Variants in ZNF532 observed in about 807,000 individuals in gnomAD.
ZNF532 encodes the protein zinc finger protein 532.
In ZNF532, 22 loss-of-function variants were observed where a neutral mutation model predicts 89.3. The ratio of observed to expected loss-of-function variants is 0.25; its 90% CI spans 0.18 to 0.35. ZNF532 has a LOEUF of 0.35. Ranked by LOEUF, ZNF532 falls within the 10% of genes least tolerant of loss-of-function variation. ZNF532 has a pLI of 1.00. For synonymous variants in ZNF532, 606 were observed against 649.6 expected (o/e 0.93, Z 1.02); for missense variants, 1,132 against 1,643.4 (o/e 0.69, Z 5.38).
intron 3 of ZNF532, among the ~76,000 whole-genome samples, chr18:58,924,743 C>T (rs2061397438): frequency 6.6e-6 from 1 of 152,294 alleles, no homozygotes; most frequent in South Asian, 2.1e-4. Flanking sequence ...GCTTTTCCAG[C>T]ACTACAAAGA....
At chr18:58,923,905 G>A (rs374149342) in intron 3 of ZNF532, among the ~76,000 whole-genome samples, 2 of 151,942 alleles carry the variant, frequency 1.3e-5, no homozygotes, top group Admixed American at 6.6e-5. Flanking sequence ...CGCCCAGGCT[G>A]GAGTGCAGTG....
At chr18:58,927,521 C>G (rs1254730600) in intron 3 of ZNF532, among the ~76,000 whole-genome samples, 1 of 151,658 alleles carries the variant, frequency 6.6e-6, no homozygotes, top group Non-Finnish European at 1.5e-5. Context: ...ATATATGAGG[C>G]GAAGAGAAAC....
rs928814288 is a variant in ZNF532 at position 58,872,597 on chromosome 18, C to T, written c.-18+7018C>T. On this transcript the variant is annotated intron_variant, in intron 2 of 9. Transcript: ENST00000591808. The stretch of plus-strand genomic sequence containing the variant: ...GTGAGCCCACATTGGAGGGTGGGGC[C>T]ATCAGGTAACCAATAGCAGGTTTAG... Among the ~76,000 whole-genome samples the T allele has an allele frequency of 2.6e-5, 4 of 152,114 alleles. No individual in the cohort carries two copies. The South Asian group carries it at 8.3e-4, about 31-fold the overall frequency.
chr18:58,907,888 T>C (rs926958127), intron 2 of ZNF532, among the ~76,000 whole-genome samples: 1 of 152,178 alleles, frequency 6.6e-6, no homozygotes, highest in Non-Finnish European at 1.5e-5. Context: ...CTTCTTTCCT[T>C]CTTTTGCTGA....
chr18:58,863,551 C>T (rs891033251), upstream of ZNF532: 1 of 148,738 alleles, frequency 6.7e-6, no homozygotes, highest in African/African-American at 2.5e-5. Context: ...GCCGCTCCAC[C>T]GCACACGCAC....
intron 7 of ZNF532, among the ~76,000 whole-genome samples, chr18:58,971,937 C>G (rs2066510869): frequency 6.6e-6 from 1 of 152,238 alleles, no homozygotes; most frequent in African/African-American, 2.4e-5. Flanking sequence ...GGCATGGTGG[C>G]TCACGCCTGT....
Position 58,919,766 on chromosome 18 carries a change from C to A in ZNF532, c.1479C>A (p.Ile493=), listed in dbSNP as rs376388964. Reference sequence around the variant, plus strand: ...CTGTCCAGAGTGCCAGCAGCGCCATCATTAAAGCTGCCAACGCCATCCAGC... The same window carrying A: ...CTGTCCAGAGTGCCAGCAGCGCCATAATTAAAGCTGCCAACGCCATCCAGC... ...AASVQSASSA[I]IKAANAIQQQ... The change falls in exon 3 of 10, where the codon ATC becomes ATA. Residue 493 remains isoleucine (I), a synonymous_variant. Coordinates refer to ENST00000591808, the MANE Select transcript of ZNF532 (RefSeq NM_001375912.1). This position sits in a 1 kb window ranked among gnomAD's most constrained non-coding sequence, Gnocchi z 6.1. 1 of 1,614,048 alleles carries A rather than the reference C, an allele frequency of 6.2e-7. No homozygotes were observed. The highest frequency in any genetic ancestry group is 1.3e-5 in the African/African-American group (1 of 74,934).
At chr18:58,970,339 T>C (rs2066351189) in intron 7 of ZNF532, among the ~76,000 whole-genome samples, 1 of 152,214 alleles carries the variant, frequency 6.6e-6, no homozygotes, top group African/African-American at 2.4e-5. Flanking sequence ...CTGCCAGTGG[T>C]CCCTTTTTGA....
At chr18:58,910,336 T>C (rs1324418768) in intron 2 of ZNF532, among the ~76,000 whole-genome samples, 1 of 152,222 alleles carries the variant, frequency 6.6e-6, no homozygotes, top group Non-Finnish European at 1.5e-5. Context: ...TTTTGTTCCC[T>C]GAACCCTTCA....
chr18:58,934,751 G>A (rs1281806630), intron 4 of ZNF532, 137 bp downstream of exon 4: 14 of 812,878 alleles, frequency 1.7e-5, no homozygotes, highest in Admixed American at 1.1e-4. Flanking sequence ...AACCTAGCTC[G>A]TTTGTAGAGT....
chr18:58,872,137 T>A (rs1417911960), intron 2 of ZNF532, among the ~76,000 whole-genome samples: 1 of 152,214 alleles, frequency 6.6e-6, no homozygotes, highest in Non-Finnish European at 1.5e-5. Context: ...TTTTTAGCTG[T>A]CTCACATATT....
intron 2 of ZNF532, among the ~76,000 whole-genome samples, chr18:58,867,071 A>C (rs1191170081): frequency 6.6e-6 from 1 of 152,282 alleles, no homozygotes. Flanking sequence ...TCTGATGTCA[A>C]CTAAAACTCA....
chr18:58,880,346 G>A (rs577392120), intron 2 of ZNF532, among the ~76,000 whole-genome samples: 1 of 152,308 alleles, frequency 6.6e-6, no homozygotes, highest in South Asian at 2.1e-4. Context: ...GTGCCGAAAA[G>A]TGGGTCATCT....
chr18:58,984,170 C>G lies in ZNF532; in HGVS notation c.3610C>G (p.Gln1204Glu). The change falls in exon 10 of 10, where the codon CAG (glutamine) becomes GAG (glutamate). Residue 1204 changes from glutamine to glutamate, a missense_variant. This residue lies in a region of ZNF532 where 415 missense variants were observed against 604.8 expected (regional missense o/e 0.69). Transcript: ENST00000591808. ...PQHKSDGSSY[Q>E]CRECGLCYTS... The stretch of plus-strand genomic sequence containing the variant: ...GCACAAATCGGATGGTTCTTCCTAC[C>G]AGTGCCGGGAGTGTGGCCTCTGCTA... 1 of 1,611,874 alleles carries G rather than the reference C, an allele frequency of 6.2e-7. No individual in the cohort carries two copies.
At chr18:58,963,603 A>ATGTGTGTGTG (rs60644289) in intron 7 of ZNF532, among the ~76,000 whole-genome samples, 56 of 143,876 alleles carry the variant, frequency 3.9e-4, no homozygotes, top group African/African-American at 1.0e-3. Context: ...AAAGAAAAAA[A>ATGTGTGTGTG]TGTGTGTGTG....
intron 3 of ZNF532, among the ~76,000 whole-genome samples, chr18:58,929,055 C>T (rs1285130226): frequency 6.6e-6 from 1 of 152,178 alleles, no homozygotes; most frequent in Non-Finnish European, 1.5e-5. Context: ...TGCTATAGGT[C>T]TTTTGGCCAG....
chr18:58,871,088 G>A (rs2056941418), intron 2 of ZNF532, among the ~76,000 whole-genome samples: 1 of 152,152 alleles, frequency 6.6e-6, no homozygotes, highest in African/African-American at 2.4e-5. Flanking sequence ...AACCATAAAC[G>A]AAGCGGCAGG....
intron 7 of ZNF532, among the ~76,000 whole-genome samples, chr18:58,970,557 G>A (rs2066376215): frequency 6.6e-6 from 1 of 152,250 alleles, no homozygotes; most frequent in Admixed American, 6.5e-5. Context: ...CAGAGTTTAT[G>A]ATCATGGCAA....
intron 5 of ZNF532, 61 bp from the exon 6 acceptor site, chr18:58,948,006 A>G: frequency 1.3e-6 from 2 of 1,508,228 alleles, no homozygotes; most frequent in African/African-American, 1.4e-5. Context: ...GCTATAAAGT[A>G]GCAGATCCTT....
Sources: gnomAD v4.1 joint callset for allele counts (sites outside exome capture counted in the v4.1 genomes callset) on GRCh38, gnomAD v4.1.1 for gene constraint, gnomAD v4.1.1 regional missense constraint, Gnocchi (gnomAD v3.1) non-coding constraint, MANE v1.5 for transcripts, NCBI Gene and HGNC (gene_info 2026-07-23, HGNC 2026-07-21) for gene names.